BAG2: variants seen among roughly 807,000 people sequenced by gnomAD.
BAG2 encodes the protein BAG family molecular chaperone regulator 2.
Under a neutral mutation model 16.4 loss-of-function variants are expected in BAG2, and 8 were observed. The ratio of observed to expected loss-of-function variants is 0.49; its 90% CI spans 0.29 to 0.88. The LOEUF is 0.88. Ranked by LOEUF, BAG2 falls within the 40% of genes least tolerant of loss-of-function variation. The pLI is 0.09. For synonymous variants in BAG2, 82 were observed against 89.2 expected, an observed-to-expected ratio of 0.92 and a Z score of 0.46; for missense variants, 218 against 248.9, an observed-to-expected ratio of 0.88 and a Z score of 0.84.
At chr6:57,172,896 G>A (rs1375442688) in intron 1 of BAG2, 86 bp downstream of exon 1, 4 of 1,186,294 alleles carry the variant, frequency 3.4e-6, no homozygotes, top group East Asian at 3.1e-5. Context: ...CGCGTGTGGC[G>A]GGCCGGGGCC....
intron 1 of BAG2, among the ~76,000 whole-genome samples, chr6:57,177,283 G>A (rs1764308494): frequency 6.6e-6 from 1 of 152,082 alleles, no homozygotes; most frequent in South Asian, 2.1e-4. Flanking sequence ...AGACGTGGTG[G>A]CGCATGTCTG....
At chr6:57,183,518 A>G (rs1764532021) in intron 2 of BAG2, among the ~76,000 whole-genome samples, 1 of 152,220 alleles carries the variant, frequency 6.6e-6, no homozygotes, top group Non-Finnish European at 1.5e-5. Context: ...TTACAAATGC[A>G]TACCTACCCA....
At position 57,184,032 on chromosome 6, in the gene BAG2, A is replaced by G. The variant is rs941542173; in HGVS notation, c.478A>G (p.Ile160Val). ...PVDQKFQSIVIGCALEDQKKI... is the reference protein window; with the variant it reads ...PVDQKFQSIVVGCALEDQKKI... ...TGATCAGAAGTTTCAATCCATAGTA[A>G]TTGGCTGTGCTCTTGAAGATCAGAA... The change falls in exon 3 of 3, where the codon ATT becomes GTT. Residue 160 changes from isoleucine (I) to valine (V), a missense_variant. This residue lies in a region of BAG2 where 113 missense variants were observed against 128.0 expected (regional missense o/e 0.88). Coordinates refer to ENST00000370693, the MANE Select transcript of BAG2 (RefSeq NM_004282.4). 15 of 1,613,086 alleles carry G rather than the reference A, an allele frequency of 9.3e-6. No individual in the cohort carries two copies. The highest frequency in any genetic ancestry group is 1.3e-5 in the Non-Finnish European group (15 of 1,179,832).
chr6:57,172,554 A>C lies in BAG2; in HGVS notation c.-144A>C. 5.1e-6 allele frequency: 3 copies of C among 585,100 alleles called. No individual in the cohort carries two copies. The highest frequency in any genetic ancestry group is 8.2e-6 in the Non-Finnish European group (3 of 366,672). 36.2% of individuals were successfully genotyped at this position (585,100 alleles called of 1,614,324 possible). A position where few individuals can be genotyped will look rare whatever the true frequency, so the allele number is the denominator to read the frequency against. On this transcript the variant is annotated 5_prime_UTR_variant, in exon 1 of 3. Coordinates refer to ENST00000370693, the MANE Select transcript of BAG2 (RefSeq NM_004282.4). ...CTACGCTGCAGCCGCGGTGTCGGCG[A>C]GTCCTCCCGGGTTGCCCCCGCGGGC...
chr6:57,179,910 A>C (rs1764389101), intron 1 of BAG2, among the ~76,000 whole-genome samples: 1 of 152,028 alleles, frequency 6.6e-6, no homozygotes, highest in Non-Finnish European at 1.5e-5. Flanking sequence ...AAAGACAAAG[A>C]TACCCCCATG....
Position 57,172,501 on chromosome 6 carries a change from C to T in BAG2, c.-197C>T, listed in dbSNP as rs1006841171. 7 of 423,722 alleles carry T rather than the reference C, an allele frequency of 1.7e-5. No homozygotes were observed. Among genetic ancestry groups the T allele is most frequent in the African/African-American group, 4.2e-5 (2 of 47,756 alleles). The allele number at this position is 423,722 out of a possible 1,614,324, so 26.2% of individuals were successfully genotyped here. A position where few individuals can be genotyped will look rare whatever the true frequency, so the allele number is the denominator to read the frequency against. On this transcript the variant is annotated 5_prime_UTR_variant, in exon 1 of 3. Coordinates refer to ENST00000370693, the MANE Select transcript of BAG2 (RefSeq NM_004282.4). ...TCCCAGGCCCGGCGTCCCCGAGCCC[C>T]GCGGGCGCCGCGCCTGCCCTTCTTT...
Position 57,189,027 on chromosome 6 carries a change from C to CT in BAG2, c.*4838dup, listed in dbSNP as rs1208113678. ...AGTTATTTTTACAGATTTTGCAATG[C>CT]TGTAAAAACCAGGTATATTGAAAGG... On this transcript the variant is annotated 3_prime_UTR_variant, in exon 3 of 3. Coordinates refer to ENST00000370693, the MANE Select transcript of BAG2 (RefSeq NM_004282.4). 1.3e-5 allele frequency: 2 copies of CT among 152,060 alleles called. No individual in the cohort carries two copies. Among genetic ancestry groups the CT allele is most frequent in the African/African-American group, 4.8e-5 (2 of 41,408 alleles). The allele number at this position is 152,060 out of a possible 1,614,324, so 9.4% of individuals were successfully genotyped here.
rs576688351 is a variant in BAG2, at chr6:57,178,279, G to T, written c.114-3753G>T. Among the ~76,000 whole-genome samples the T allele has an allele frequency of 3.3e-5, 5 of 152,226 alleles. No homozygotes were observed. The South Asian group carries it at 1.0e-3, about 32-fold the overall frequency. On this transcript the variant is annotated intron_variant, in intron 1 of 2. Transcript: ENST00000370693. ...AGCCAAGAATTTTCTAGAACTAATG[G>T]AAAAATTGTAGACAAAAGACGTGTA...
At position 57,189,271 on chromosome 6, in the gene BAG2, A is replaced by C. The variant is rs1002471688; in HGVS notation, c.*5081A>C. 6.6e-6 allele frequency: 1 copy of C among 152,194 alleles called. No individual in the cohort carries two copies. Among genetic ancestry groups the C allele is most frequent in the Non-Finnish European group, 1.5e-5 (1 of 68,036 alleles). 9.4% of individuals were successfully genotyped at this position (152,194 alleles called of 1,614,324 possible). A position where few individuals can be genotyped will look rare whatever the true frequency, so the allele number is the denominator to read the frequency against. On this transcript the variant is annotated 3_prime_UTR_variant, in exon 3 of 3. Coordinates refer to ENST00000370693, the MANE Select transcript of BAG2 (RefSeq NM_004282.4). ...TACAAACAAGGTTATAGAAATGTTG[A>C]AGTGATTGATAATCTTAAAATACCA...
chr6:57,173,640 T>A, intron 1 of BAG2: 1 of 551,172 alleles, frequency 1.8e-6, no homozygotes, highest in Non-Finnish European at 2.3e-6. Context: ...TTTAACGGTG[T>A]ATTGAAAAGT....
rs908169983 is a variant in BAG2, at chr6:57,188,216, A to G, written c.*4026A>G. 1 of 152,192 alleles carries G rather than the reference A, an allele frequency of 6.6e-6. No homozygotes were observed. The highest frequency in any genetic ancestry group is 1.5e-5 in the Non-Finnish European group (1 of 68,014). 9.4% of individuals were successfully genotyped at this position (152,192 alleles called of 1,614,324 possible). A position where few individuals can be genotyped will look rare whatever the true frequency, so the allele number is the denominator to read the frequency against. Reference sequence around the variant, plus strand: ...AAAAATGTCAATTTTTGAAGGCTTTAAGAATTGATTAAATTGAGAAATTAA... The same window carrying G: ...AAAAATGTCAATTTTTGAAGGCTTTGAGAATTGATTAAATTGAGAAATTAA... On this transcript the variant is annotated 3_prime_UTR_variant, in exon 3 of 3. Transcript: ENST00000370693.
Position 57,177,639 on chromosome 6 carries a change from A to C in BAG2, c.114-4393A>C, listed in dbSNP as rs143016021. ...GTGTGTGTGTGTAATTTTTTTAGTCAGTGCTATCAGTCACTGTTAAACTCT... is the reference window on the plus strand; with the variant it reads ...GTGTGTGTGTGTAATTTTTTTAGTCCGTGCTATCAGTCACTGTTAAACTCT... On this transcript the variant is annotated intron_variant, in intron 1 of 2. Coordinates refer to ENST00000370693, the MANE Select transcript of BAG2 (RefSeq NM_004282.4). Among the ~76,000 whole-genome samples the C allele has an allele frequency of 8.5e-3, 1,293 of 152,280 alleles. 15 individuals carry two copies. The highest frequency in any genetic ancestry group is 0.028 in the African/African-American group (1,169 of 41,556).
At position 57,186,740 on chromosome 6, in the gene BAG2, T is replaced by C. The variant is rs1764622563; in HGVS notation, c.*2550T>C. On this transcript the variant is annotated 3_prime_UTR_variant, in exon 3 of 3. Transcript: ENST00000370693. ...TTAAACTATTGTCTTTTATATAGAC[T>C]ATAAGTGGATATAGAGTATGTTTTG... 6.6e-6 allele frequency: 1 copy of C among 152,226 alleles called. No homozygotes were observed. Among genetic ancestry groups the C allele is most frequent in the Admixed American group, 6.5e-5 (1 of 15,284 alleles). 9.4% of individuals were successfully genotyped at this position (152,226 alleles called of 1,614,324 possible).
chr6:57,173,185 TC>T (rs1468675064), intron 1 of BAG2: 1 of 999,744 alleles, frequency 1.0e-6, no homozygotes, highest in Admixed American at 6.0e-5. Context: ...TCTAGAACCT[TC>T]TGTGTGGCCC....
At position 57,187,386 on chromosome 6, in the gene BAG2, G is replaced by GACTT. The variant is rs1193675291; in HGVS notation, c.*3199_*3202dup. 1 of 152,128 alleles carries GACTT rather than the reference G, an allele frequency of 6.6e-6. No individual in the cohort carries two copies. Among genetic ancestry groups the GACTT allele is most frequent in the East Asian group, 1.9e-4 (1 of 5,196 alleles). 9.4% of individuals were successfully genotyped at this position (152,128 alleles called of 1,614,324 possible). A position where few individuals can be genotyped will look rare whatever the true frequency, so the allele number is the denominator to read the frequency against. On this transcript the variant is annotated 3_prime_UTR_variant, in exon 3 of 3. Transcript: ENST00000370693. ...AAATGAATTCATCTGTATGATGAGA[G>GACTT]ACTTACATGTTTTATAGCTGAAAAC... is the stretch of plus-strand genomic sequence containing the variant.
intron 1 of BAG2, among the ~76,000 whole-genome samples, chr6:57,178,069 A>G (rs1037567541): frequency 6.6e-5 from 10 of 152,194 alleles, no homozygotes; most frequent in African/African-American, 1.7e-4. Context: ...TTCTTTCCCA[A>G]TTTGGACGTG....
chr6:57,173,714 T>A, intron 1 of BAG2: 1 of 202,268 alleles, frequency 4.9e-6, no homozygotes, highest in Non-Finnish European at 8.8e-6. Flanking sequence ...CAGGTGTAGT[T>A]AAAAGAAAAT....
chr6:57,178,964 C>T (rs1330507322), intron 1 of BAG2, among the ~76,000 whole-genome samples: 1 of 152,194 alleles, frequency 6.6e-6, no homozygotes, highest in Non-Finnish European at 1.5e-5. Context: ...ATGAAACCTT[C>T]CTTTTCAGAA....
intron 1 of BAG2, among the ~76,000 whole-genome samples, chr6:57,178,612 C>T (rs1288308222): frequency 3.9e-5 from 6 of 152,018 alleles, no homozygotes; most frequent in Admixed American, 3.3e-4. Flanking sequence ...CCCATGTTGC[C>T]AAATAAACCC....
Sources: allele counts gnomAD v4.1 joint callset (sites outside exome capture counted in the v4.1 genomes callset), GRCh38; gene constraint gnomAD v4.1.1; regional missense constraint gnomAD v4.1.1; transcripts MANE v1.5; gene names NCBI Gene and HGNC (gene_info 2026-07-23, HGNC 2026-07-21).